Variants in FAM120A observed in about 807,000 individuals in gnomAD.
The protein encoded by FAM120A is constitutive coactivator of PPAR-gamma-like protein 1.
A neutral mutation model predicts 109.7 loss-of-function variants in FAM120A; 15 were observed. The observed-to-expected ratio is 0.14, with a 90% confidence interval of 0.09 to 0.21. The LOEUF (loss-of-function observed/expected upper bound fraction) is 0.21, where lower values mean the gene tolerates loss of function less well. Among genes scored for constraint, FAM120A ranks in the 10% least tolerant of loss-of-function variants. The probability of loss-of-function intolerance (pLI) is 1.00; values close to 1 mark genes in which losing one functional copy is unlikely to be tolerated. For synonymous variants in FAM120A, 493 were observed against 572.8 expected (o/e 0.86, Z 1.99); for missense variants, 899 against 1,439.3 (o/e 0.62, Z 6.07).
chr9:93,558,635 G>C lies in FAM120A; in HGVS notation c.2723G>C (p.Arg908Pro). ...GAAACGGTAGCAACAGGCCCTTACCGTGCCTTCCGTGTGGCGGCAGCATCG... is the reference window on the plus strand; with the variant it reads ...GAAACGGTAGCAACAGGCCCTTACCCTGCCTTCCGTGTGGCGGCAGCATCG... ...YGETVATGPY[R>P]AFRVAAASGH... Residue 908 changes from arginine (R) to proline (P), a missense_variant, in exon 15 of 18, where the codon CGT becomes CCT. This residue lies in a region of FAM120A where 129 missense variants were observed against 153.4 expected (regional missense o/e 0.84). Coordinates refer to ENST00000277165, the MANE Select transcript of FAM120A (RefSeq NM_014612.5). The C allele has an allele frequency of 6.2e-7, 1 of 1,614,192 alleles. No individual in the cohort carries two copies. Among genetic ancestry groups the C allele is most frequent in the Non-Finnish European group, 8.5e-7 (1 of 1,180,042 alleles).
rs1210064745 is a variant in FAM120A at position 93,566,062 on chromosome 9, T to C, written c.*1522T>C. ...TGTGGTGTGGTGTATCTGAAGGCTA[T>C]TGAATGCAACTTACAATGCTTAATA... On this transcript the variant is annotated 3_prime_UTR_variant, in exon 18 of 18. Coordinates refer to ENST00000277165, the MANE Select transcript of FAM120A (RefSeq NM_014612.5). The C allele has an allele frequency of 1.3e-5, 2 of 152,660 alleles. No homozygotes were observed. Among genetic ancestry groups the C allele is most frequent in the East Asian group, 1.9e-4 (1 of 5,204 alleles). The allele number at this position is 152,660 out of a possible 1,614,324, so 9.5% of individuals were successfully genotyped here. A position where few individuals can be genotyped will look rare whatever the true frequency, so the allele number is the denominator to read the frequency against.
At chr9:93,464,199 T>G (rs1390377762) in intron 1 of FAM120A, among the ~76,000 whole-genome samples, 5 of 152,206 alleles carry the variant, frequency 3.3e-5, no homozygotes, top group Non-Finnish European at 7.4e-5. Flanking sequence ...AATAAACAAT[T>G]ATACTTGCCA....
rs187801451 is a variant in FAM120A, at chr9:93,513,150, G to A, written c.1031-2517G>A. ...TTACATTGATTTAAATTATATGGTTGGAGCTTGAATAGATTTTATAATATT... is the reference window on the plus strand; with the variant it reads ...TTACATTGATTTAAATTATATGGTTAGAGCTTGAATAGATTTTATAATATT... On this transcript the variant is annotated intron_variant, in intron 5 of 17. Transcript: ENST00000277165. Among the ~76,000 whole-genome samples the A allele has an allele frequency of 3.5e-3, 528 of 152,306 alleles. 3 individuals carry two copies. The highest frequency in any genetic ancestry group is 0.012 in the African/African-American group (496 of 41,546).
intron 7 of FAM120A, among the ~76,000 whole-genome samples, chr9:93,518,204 G>T (rs149029500): frequency 6.6e-6 from 1 of 152,144 alleles, no homozygotes; most frequent in Non-Finnish European, 1.5e-5. Flanking sequence ...GAAGGCTTTG[G>T]GGTCAGAAAC....
At chr9:93,538,511 C>T (rs186207310) in intron 10 of FAM120A, among the ~76,000 whole-genome samples, 1 of 152,258 alleles carries the variant, frequency 6.6e-6, no homozygotes, top group Admixed American at 6.5e-5. Context: ...AGTAGCTGCT[C>T]CCTAAATACA....
At chr9:93,521,809 C>T (rs111866936) in intron 7 of FAM120A, among the ~76,000 whole-genome samples, 8 of 152,118 alleles carry the variant, frequency 5.3e-5, no homozygotes, top group East Asian at 1.9e-4. Flanking sequence ...CAGTTGAGGC[C>T]GGGTGCAATG....
At chr9:93,526,160 A>C (rs952340146) in intron 7 of FAM120A, among the ~76,000 whole-genome samples, 1 of 152,156 alleles carries the variant, frequency 6.6e-6, no homozygotes, top group African/African-American at 2.4e-5. Context: ...GAGTGCACGG[A>C]GCACCACAGC....
chr9:93,499,025 C>T, intron 5 of FAM120A, 139 bp downstream of exon 5: 1 of 659,914 alleles, frequency 1.5e-6, no homozygotes, highest in Non-Finnish European at 2.7e-6. Flanking sequence ...AGCCAAACTT[C>T]CTGGGCAGAC....
intron 14 of FAM120A, 85 bp from the exon 15 acceptor site, chr9:93,558,496 G>C: frequency 6.6e-7 from 1 of 1,525,536 alleles, no homozygotes; most frequent in Non-Finnish European, 8.9e-7. Flanking sequence ...GGAGGAGGCA[G>C]GGGCCACTCT....
intron 5 of FAM120A, among the ~76,000 whole-genome samples, chr9:93,509,398 T>C (rs1860212348): frequency 6.6e-6 from 1 of 152,224 alleles, no homozygotes; most frequent in African/African-American, 2.4e-5. Flanking sequence ...GTGGGGCCCA[T>C]TATAGAAGCT....
chr9:93,561,507 A>G (rs967810790), intron 16 of FAM120A, among the ~76,000 whole-genome samples: 2 of 151,940 alleles, frequency 1.3e-5, no homozygotes, highest in Non-Finnish European at 2.9e-5. Flanking sequence ...CGATCCTCCC[A>G]CTTCAGCCTC....
At chr9:93,504,438 G>T (rs1193440808) in intron 5 of FAM120A, among the ~76,000 whole-genome samples, 1 of 152,092 alleles carries the variant, frequency 6.6e-6, no homozygotes, top group East Asian at 1.9e-4. Context: ...TTCGCTGGTT[G>T]CATTCCTCGA....
intron 3 of FAM120A, among the ~76,000 whole-genome samples, chr9:93,479,033 T>G (rs1333874545): frequency 1.3e-5 from 2 of 152,130 alleles, no homozygotes; most frequent in African/African-American, 4.8e-5. Flanking sequence ...TTCTGAAATA[T>G]TCTTTGTGTT....
At position 93,498,968 on chromosome 9, in the gene FAM120A, G is replaced by A; in HGVS notation, c.1030+82G>A. 1.0e-6 allele frequency: 1 copy of A among 957,952 alleles called. No individual in the cohort carries two copies. The highest frequency in any genetic ancestry group is 1.7e-6 in the Non-Finnish European group (1 of 602,138). The allele number at this position is 957,952 out of a possible 1,614,324, so 59.3% of individuals were successfully genotyped here. A position where few individuals can be genotyped will look rare whatever the true frequency, so the allele number is the denominator to read the frequency against. ...AAATATTCACCATATAATCTTGTAGGTTTATGTTTTTGAAACATGATTTTC... is the reference window on the plus strand; with the variant it reads ...AAATATTCACCATATAATCTTGTAGATTTATGTTTTTGAAACATGATTTTC... On this transcript the variant is annotated intron_variant, in intron 5 of 17. Coordinates refer to ENST00000277165, the MANE Select transcript of FAM120A (RefSeq NM_014612.5). The surrounding 1 kb of genome is among the most constrained non-coding windows in gnomAD (Gnocchi z 4.4).
At chr9:93,550,982 A>G (rs571416501) in intron 12 of FAM120A, among the ~76,000 whole-genome samples, 1 of 152,326 alleles carries the variant, frequency 6.6e-6, no homozygotes, top group South Asian at 2.1e-4. Context: ...TTATCACATC[A>G]TGAAATAAAC....
rs1425305324 is a variant in FAM120A, at chr9:93,498,276, C to T, written c.934-514C>T. Among the ~76,000 whole-genome samples the T allele has an allele frequency of 6.6e-6, 1 of 152,170 alleles. No homozygotes were observed. The highest frequency in any genetic ancestry group is 1.5e-5 in the Non-Finnish European group (1 of 68,026). On this transcript the variant is annotated intron_variant, in intron 4 of 17. Transcript: ENST00000277165. The surrounding 1 kb of genome is among the most constrained non-coding windows in gnomAD (Gnocchi z 4.4). The stretch of plus-strand genomic sequence containing the variant: ...GGCGTGGTGGTGGGCGCCTGTAATG[C>T]CAGCTACTCGGGATGCTGAGGCAGG...
chr9:93,466,264 C>A (rs1334195325), intron 1 of FAM120A, among the ~76,000 whole-genome samples: 3 of 152,118 alleles, frequency 2.0e-5, no homozygotes, highest in Non-Finnish European at 4.4e-5. Flanking sequence ...AAATGTGTCT[C>A]TTCCCCCTTC....
chr9:93,452,258 G>A lies in FAM120A; in HGVS notation c.343G>A (p.Glu115Lys), dbSNP rs2131163672. 1 of 1,610,604 alleles carries A rather than the reference G, an allele frequency of 6.2e-7. No homozygotes were observed. The highest frequency in any genetic ancestry group is 8.5e-7 in the Non-Finnish European group (1 of 1,179,302). The change falls in exon 1 of 18, where the codon GAG becomes AAG. Residue 115 changes from glutamate (E) to lysine (K), a missense_variant. By Grantham distance (56) the Glu-to-Lys change is moderately conservative (BLOSUM62 1). Coordinates refer to ENST00000277165, the MANE Select transcript of FAM120A (RefSeq NM_014612.5). This position sits in a 1 kb window ranked among gnomAD's most constrained non-coding sequence, Gnocchi z 7.0. ...LHEWVKRQGN[E>K]RQTAQQIVSH... is the part of the protein sequence containing the mutation. ...CGAGTGGGTCAAGCGGCAGGGCAAC[G>A]AGCGCCAGACGGCACAGCAGATCGT...
Position 93,451,815 on chromosome 9 carries a change from G to A in FAM120A, c.-101G>A, listed in dbSNP as rs1473016015. The A allele has an allele frequency of 1.2e-5, 12 of 966,004 alleles. No individual in the cohort carries two copies. The African/African-American group carries it at 1.8e-4, about 15-fold the overall frequency. The allele number at this position is 966,004 out of a possible 1,614,324, so 59.8% of individuals were successfully genotyped here. Reference sequence around the variant, plus strand: ...CGACCCGCCCCAGTCCCCCCTAGAGGCCGCCGCCCCCGCCCGCCAGCCCGC... The same window carrying A: ...CGACCCGCCCCAGTCCCCCCTAGAGACCGCCGCCCCCGCCCGCCAGCCCGC... On this transcript the variant is annotated 5_prime_UTR_variant, in exon 1 of 18. Transcript: ENST00000277165.
Sources: allele counts gnomAD v4.1 joint callset (sites outside exome capture counted in the v4.1 genomes callset), GRCh38; gene constraint gnomAD v4.1.1; regional missense constraint gnomAD v4.1.1; non-coding constraint Gnocchi (gnomAD v3.1); transcripts MANE v1.5; gene names NCBI Gene and HGNC (gene_info 2026-07-23, HGNC 2026-07-21).